STARD8: variants seen among roughly 807,000 people sequenced by gnomAD.
STARD8 encodes the protein StAR related lipid transfer domain containing 8.
A neutral mutation model predicts 69.4 loss-of-function variants in STARD8; 25 were observed. The ratio of observed to expected loss-of-function variants is 0.36; its 90% CI spans 0.26 to 0.50. The LOEUF (loss-of-function observed/expected upper bound fraction) is 0.50. Among genes scored for constraint, STARD8 ranks in the 20% least tolerant of loss-of-function variants. STARD8 has a pLI of 0.96. For synonymous variants in STARD8, 389 were observed against 374.6 expected, an observed-to-expected ratio of 1.04 and a Z score of -0.45; for missense variants, 921 against 932.5, an observed-to-expected ratio of 0.99 and a Z score of 0.16.
chrX:68,690,437 G>GC (rs928405834), intron 2 of STARD8, among the ~76,000 whole-genome samples: 1 of 105,682 alleles, frequency 9.5e-6, no homozygotes, highest in African/African-American at 3.7e-5. Flanking sequence ...CAGGCAGGGC[G>GC]GGGGGACTGT....
At chrX:68,722,896 C>T (rs1255805032) in intron 12 of STARD8, among the ~76,000 whole-genome samples, 1 of 112,922 alleles carries the variant, frequency 8.9e-6, no homozygotes, top group Non-Finnish European at 1.9e-5. Flanking sequence ...GTTCCAGATA[C>T]GATGCTGCTT....
At position 68,718,430 on chromosome X, in the gene STARD8, G is replaced by A. The variant is rs1395117811; in HGVS notation, c.1516G>A (p.Glu506Lys). The change falls in exon 6 of 15, where the codon GAA becomes AAA. Residue 506 changes from glutamate to lysine, a missense_variant. By Grantham distance (56) the Glu-to-Lys change is moderately conservative. Coordinates refer to ENST00000374599, the MANE Select transcript of STARD8 (RefSeq NM_001142503.3). Reference sequence around the variant, plus strand: ...TGAGCAGGAGGCACATTCAGGCGGGGAACCCACCTTTGCCTCTAGCCTGTC... The same window carrying A: ...TGAGCAGGAGGCACATTCAGGCGGGAAACCCACCTTTGCCTCTAGCCTGTC... The part of the protein sequence containing the change: ...DSEQEAHSGG[E>K]PTFASSLSVE... 5 of 1,209,916 alleles carry A rather than the reference G, an allele frequency of 4.1e-6. No individual in the cohort carries two copies. The African/African-American group carries it at 8.7e-5, about 21-fold the overall frequency.
intron 2 of STARD8, among the ~76,000 whole-genome samples, chrX:68,679,660 C>T (rs774668570): frequency 2.6e-4 from 29 of 112,112 alleles, no homozygotes; most frequent in Admixed American, 1.3e-3. Flanking sequence ...GCTGCTGGGG[C>T]CATGCAGACG....
chrX:68,672,136 A>G (rs2079732471), intron 2 of STARD8, among the ~76,000 whole-genome samples: 1 of 111,312 alleles, frequency 9.0e-6, no homozygotes, highest in African/African-American at 3.3e-5. Context: ...TTTTCATTCT[A>G]TACTGTTAAA....
chrX:68,695,505 CTG>C (rs780189954), intron 2 of STARD8, among the ~76,000 whole-genome samples: 1 of 111,540 alleles, frequency 9.0e-6, no homozygotes, highest in East Asian at 2.8e-4. Context: ...CTAAACCTCT[CTG>C]TGCATCTACA....
chrX:68,685,190 C>T (rs1188624402), intron 2 of STARD8, among the ~76,000 whole-genome samples: 1 of 111,961 alleles, frequency 8.9e-6, no homozygotes, highest in African/African-American at 3.3e-5. Flanking sequence ...CCCATGTACC[C>T]CTTTATCGTT....
At chrX:68,699,205 C>G (rs776066918) in intron 2 of STARD8, among the ~76,000 whole-genome samples, 1 of 111,645 alleles carries the variant, frequency 9.0e-6, no homozygotes, top group Admixed American at 9.5e-5. Flanking sequence ...AAGGGCCTAG[C>G]CAGCTCCAGT....
Position 68,716,414 on chromosome X carries a change from C to A in STARD8, c.280C>A (p.His94Asn), listed in dbSNP as rs972737201. The A allele has an allele frequency of 9.1e-6, 11 of 1,210,923 alleles. No individual in the cohort carries two copies. In the Middle Eastern group the frequency reaches 2.3e-3, roughly 253 times the overall value. Residue 94 changes from histidine (H) to asparagine (N), a missense_variant, in exon 5 of 15, where the codon CAT becomes AAT. Transcript: ENST00000374599. ...NNCASMKLEV[H>N]FQSKQNEDSE... ...TTGTGCCTCGATGAAACTGGAGGTT[C>A]ATTTTCAAAGCAAGCAGGTGAGTCA...
intron 1 of STARD8, among the ~76,000 whole-genome samples, chrX:68,658,896 G>A (rs1239995781): frequency 8.9e-6 from 1 of 112,563 alleles, no homozygotes; most frequent in Non-Finnish European, 1.9e-5. Context: ...GCTGCCAAGG[G>A]GCAGGGGAAA....
intron 2 of STARD8, among the ~76,000 whole-genome samples, chrX:68,682,448 C>T (rs1304602339): frequency 8.9e-6 from 1 of 112,248 alleles, no homozygotes; most frequent in Non-Finnish European, 1.9e-5. Flanking sequence ...TAATTAAACT[C>T]GATATAGAAT....
chrX:68,656,871 G>T (rs7889601), intron 1 of STARD8, among the ~76,000 whole-genome samples: 1,434 of 110,858 alleles, frequency 0.013, 27 homozygotes, highest in African/African-American at 0.044. Context: ...GGTGGAGGAG[G>T]GGGGAGGGAT....
At position 68,674,209 on chromosome X, in the gene STARD8, G is replaced by A. The variant is rs764533900; in HGVS notation, c.79+8677G>A. 9.4e-5 allele frequency among the ~76,000 whole-genome samples: 10 copies of A among 106,763 alleles called. No individual in the cohort carries two copies. The East Asian group carries it at 1.2e-3, about 13-fold the overall frequency. 92.7% of individuals were successfully genotyped at this position (106,763 alleles called of 115,157 possible). On this transcript the variant is annotated intron_variant, in intron 2 of 14. Coordinates refer to ENST00000374599, the MANE Select transcript of STARD8 (RefSeq NM_001142503.3). ...CTCGGGAGGCTGAGGCGGGAGAATCGCTTGAACACAGAGGCGGAGGTTGCA... is the reference window on the plus strand; with the variant it reads ...CTCGGGAGGCTGAGGCGGGAGAATCACTTGAACACAGAGGCGGAGGTTGCA...
Position 68,718,274 on chromosome X carries a change from G to T in STARD8, c.1360G>T (p.Ala454Ser), listed in dbSNP as rs1176919333. The part of the protein sequence containing the change: ...MEVPAHGESP[A>S]WAQAEVQPAV... ...GGTTCCGGCCCATGGAGAGTCCCCAGCCTGGGCCCAGGCTGAAGTCCAGCC... is the reference window on the plus strand; with the variant it reads ...GGTTCCGGCCCATGGAGAGTCCCCATCCTGGGCCCAGGCTGAAGTCCAGCC... Residue 454 changes from alanine to serine, a missense_variant, in exon 6 of 15, where the codon GCC (alanine) becomes TCC (serine). Coordinates refer to ENST00000374599, the MANE Select transcript of STARD8 (RefSeq NM_001142503.3). 8.3e-7 allele frequency: 1 copy of T among 1,211,209 alleles called. No individual in the cohort carries two copies. Among genetic ancestry groups the T allele is most frequent in the Non-Finnish European group, 1.1e-6 (1 of 895,273 alleles).
chrX:68,715,218 C>T, intron 3 of STARD8, 76 bp from the exon 4 acceptor site: 1 of 937,364 alleles, frequency 1.1e-6, no homozygotes, highest in African/African-American at 2.0e-5. Context: ...TGGCCGTTCC[C>T]TTCCAGCCCA....
At chrX:68,653,092 CCACA>C (rs745720152) in intron 1 of STARD8, among the ~76,000 whole-genome samples, 2 of 43,402 alleles carry the variant, frequency 4.6e-5, no homozygotes, top group Non-Finnish European at 9.0e-5. Context: ...ACACCACACA[CCACA>C]CACACCACAC....
chrX:68,661,976 CTTTCTT>C (rs1569353795), intron 1 of STARD8, among the ~76,000 whole-genome samples: 17 of 52,807 alleles, frequency 3.2e-4, no homozygotes, highest in African/African-American at 9.2e-4. Context: ...CTCTCTCTTT[CTTTCTT>C]TCTTTCTTTC....
intron 2 of STARD8, among the ~76,000 whole-genome samples, chrX:68,682,522 A>C (rs1036300930): frequency 2.7e-5 from 3 of 112,339 alleles, no homozygotes; most frequent in Admixed American, 9.4e-5. Context: ...TATTCATAGG[A>C]GATACTGTAC....
At chrX:68,653,265 C>G (rs1602535898) in intron 1 of STARD8, among the ~76,000 whole-genome samples, 2 of 41,882 alleles carry the variant, frequency 4.8e-5, no homozygotes, top group Non-Finnish European at 8.5e-5. Flanking sequence ...ACCACACACA[C>G]CACACACCAC....
chrX:68,700,215 C>T (rs1035419919), intron 2 of STARD8, among the ~76,000 whole-genome samples: 1 of 112,165 alleles, frequency 8.9e-6, no homozygotes, highest in Non-Finnish European at 1.9e-5. Context: ...ACTATGAGTC[C>T]TCCCATTTCT....
Sources: allele counts gnomAD v4.1 joint callset (sites outside exome capture counted in the v4.1 genomes callset), GRCh38; gene constraint gnomAD v4.1.1; transcripts MANE v1.5; gene names NCBI Gene and HGNC (gene_info 2026-07-23, HGNC 2026-07-21).